IL1RAPL1: variants seen among roughly 807,000 people sequenced by gnomAD.
IL1RAPL1 encodes interleukin-1 receptor accessory protein-like 1.
IL1RAPL1 carries 3 observed loss-of-function variants against 48.4 expected under a neutral mutation model. That is an observed-to-expected ratio of 0.06 (90% CI 0.03 to 0.16). IL1RAPL1 has a LOEUF of 0.16. IL1RAPL1 is among the 10% of genes least tolerant of loss of function. The pLI, the probability that IL1RAPL1 is intolerant of heterozygous loss-of-function variation, is 1.00. For missense variants in IL1RAPL1, 349 were observed against 530.6 expected (o/e 0.66, Z 3.36); for synonymous variants, 185 against 187.7 (o/e 0.99, Z 0.12).
intron 2 of IL1RAPL1, among the ~76,000 whole-genome samples, chrX:28,886,241 TG>T (rs1167684918): frequency 3.6e-5 from 4 of 110,043 alleles, no homozygotes; most frequent in Non-Finnish European, 5.7e-5. Context: ...CTTTTTACAT[TG>T]TTTTTTTTTC....
chrX:29,748,138 C>T (rs192238188), intron 6 of IL1RAPL1, among the ~76,000 whole-genome samples: 111 of 111,964 alleles, frequency 9.9e-4, no homozygotes, highest in African/African-American at 3.4e-3. Context: ...TTCATAATGC[C>T]GAGCATATTC....
intron 6 of IL1RAPL1, among the ~76,000 whole-genome samples, chrX:29,723,710 TC>T (rs1927701739): frequency 8.9e-6 from 1 of 112,675 alleles, no homozygotes. Flanking sequence ...AGATACTTTA[TC>T]TTCCAACAAG....
intron 5 of IL1RAPL1, among the ~76,000 whole-genome samples, chrX:29,411,565 T>C (rs775651029): frequency 8.9e-6 from 1 of 111,800 alleles, no homozygotes; most frequent in East Asian, 2.8e-4. Context: ...ACCCTGCCAG[T>C]GTAATCCAAC....
intron 6 of IL1RAPL1, among the ~76,000 whole-genome samples, chrX:29,796,225 A>C (rs1015247053): frequency 8.9e-6 from 1 of 112,289 alleles, no homozygotes; most frequent in Non-Finnish European, 1.9e-5. Context: ...GAATAAATCT[A>C]CCTAAGATTA....
intron 2 of IL1RAPL1, among the ~76,000 whole-genome samples, chrX:29,083,994 T>C (rs865998030): frequency 5.4e-5 from 6 of 111,386 alleles, no homozygotes; most frequent in African/African-American, 1.6e-4. Flanking sequence ...AGCAACTGCA[T>C]GAAAAGCCAC....
At position 28,996,087 on chromosome X, in the gene IL1RAPL1, GCAGA is replaced by G. The variant is rs528669435; in HGVS notation, c.82+206666_82+206669del. Among the ~76,000 whole-genome samples, 45 of 111,356 alleles carry G rather than the reference GCAGA, an allele frequency of 4.0e-4. No homozygotes were observed. The South Asian group carries it at 0.017, about 42-fold the overall frequency. On this transcript the variant is annotated intron_variant, in intron 2 of 10. Coordinates refer to ENST00000378993, the MANE Select transcript of IL1RAPL1 (RefSeq NM_014271.4). ...CCAAAAAGAAACCCCATGCCCATTA[GCAGA>G]CAGTCTTCATTTTCCTCCAAATACA...
chrX:28,606,411 T>A (rs146343458), intron 1 of IL1RAPL1, among the ~76,000 whole-genome samples: 227 of 111,691 alleles, frequency 2.0e-3, no homozygotes, highest in African/African-American at 6.8e-3. Context: ...GCATGAACCC[T>A]TTTTCTCACA....
intron 9 of IL1RAPL1, among the ~76,000 whole-genome samples, chrX:29,944,986 T>C (rs965359253): frequency 3.6e-5 from 4 of 111,527 alleles, no homozygotes; most frequent in African/African-American, 1.3e-4. Context: ...CTTCATCCTT[T>C]GCCTCTTTCA....
intron 5 of IL1RAPL1, among the ~76,000 whole-genome samples, chrX:29,613,739 GTGTGTGTGTGTGTGT>G (rs1924172035): frequency 1.0e-5 from 1 of 97,928 alleles, no homozygotes; most frequent in African/African-American, 3.8e-5. Context: ...GTGTGTGTGT[GTGTGTGTGTGTGTGT>G]GTGTTTCTTT....
intron 5 of IL1RAPL1, among the ~76,000 whole-genome samples, chrX:29,552,011 TC>T (rs1465154808): frequency 3.6e-5 from 4 of 111,725 alleles, no homozygotes; most frequent in Non-Finnish European, 5.6e-5. Context: ...TCTATTTCAT[TC>T]CCATTCAGGA....
chrX:29,305,401 G>A lies in IL1RAPL1; in HGVS notation c.362+22184G>A, dbSNP rs181167881. ...GATGAACATTCATAGGGTTATGATG[G>A]GTTATCCTTATATATCTTGAGAACA... On this transcript the variant is annotated intron_variant, in intron 3 of 10. Transcript: ENST00000378993. Among the ~76,000 whole-genome samples the A allele has an allele frequency of 7.1e-5, 8 of 112,000 alleles. No homozygotes were observed. In the East Asian group the frequency reaches 2.0e-3, roughly 28 times the overall value.
Position 29,609,083 on chromosome X carries a change from G to C in IL1RAPL1, c.704-59347G>C, listed in dbSNP as rs1924012143. On this transcript the variant is annotated intron_variant, in intron 5 of 10. Coordinates refer to ENST00000378993, the MANE Select transcript of IL1RAPL1 (RefSeq NM_014271.4). ...CTGATAACCTTGGAATCATGGTTTGGATGGTTTAAACCTCTCTCTCCATAC... is the reference window on the plus strand; with the variant it reads ...CTGATAACCTTGGAATCATGGTTTGCATGGTTTAAACCTCTCTCTCCATAC... Among the ~76,000 whole-genome samples the C allele has an allele frequency of 3.6e-5, 4 of 111,558 alleles. No individual in the cohort carries two copies. The Admixed American group carries it at 3.8e-4, about 11-fold the overall frequency.
rs1933954076 is a variant in IL1RAPL1, at chrX:28,596,254, T to C, written c.-25+8207T>C. Among the ~76,000 whole-genome samples, 3 of 111,259 alleles carry C rather than the reference T, an allele frequency of 2.7e-5. No individual in the cohort carries two copies. The South Asian group carries it at 1.1e-3, about 42-fold the overall frequency. On this transcript the variant is annotated intron_variant, in intron 1 of 10. Coordinates refer to ENST00000378993, the MANE Select transcript of IL1RAPL1 (RefSeq NM_014271.4). ...TTTAAAAAAGTAAAAAAAGGAAAAT[T>C]GAGTAATAAAGGAGAGAGAATTAAT...
intron 2 of IL1RAPL1, among the ~76,000 whole-genome samples, chrX:28,866,665 T>C (rs185134649): frequency 1.3e-3 from 146 of 111,867 alleles, no homozygotes; most frequent in Non-Finnish European, 3.2e-4. Flanking sequence ...ATATATTAAC[T>C]CATTTAATTC....
chrX:28,918,950 T>G (rs748419175), intron 2 of IL1RAPL1, among the ~76,000 whole-genome samples: 2 of 111,575 alleles, frequency 1.8e-5, no homozygotes, highest in African/African-American at 6.5e-5. Context: ...TAACATTGTT[T>G]CTAATTTTTA....
intron 5 of IL1RAPL1, among the ~76,000 whole-genome samples, chrX:29,517,485 G>A (rs1367468741): frequency 9.0e-6 from 1 of 111,271 alleles, no homozygotes; most frequent in Non-Finnish European, 1.9e-5. Flanking sequence ...AAGCGGTGAT[G>A]ATTTTTGTGA....
At chrX:28,774,953 A>G (rs1932802266) in intron 1 of IL1RAPL1, among the ~76,000 whole-genome samples, 2 of 111,588 alleles carry the variant, frequency 1.8e-5, no homozygotes, top group Non-Finnish European at 3.8e-5. Flanking sequence ...AGTAACTCAT[A>G]TTATTGTTAT....
At chrX:29,922,969 G>T (rs750126791) in intron 8 of IL1RAPL1, among the ~76,000 whole-genome samples, 166 of 111,777 alleles carry the variant, frequency 1.5e-3, no homozygotes, top group African/African-American at 5.4e-3. Context: ...AGCTGTCATT[G>T]CTTCTGACAG....
chrX:29,606,457 T>C (rs1012342096), intron 5 of IL1RAPL1, among the ~76,000 whole-genome samples: 1 of 112,067 alleles, frequency 8.9e-6, no homozygotes, highest in Non-Finnish European at 1.9e-5. Context: ...TTCTAAACAA[T>C]GTCTGTGATG....
Sources: allele counts gnomAD v4.1 joint callset (sites outside exome capture counted in the v4.1 genomes callset), GRCh38; gene constraint gnomAD v4.1.1; transcripts MANE v1.5; gene names NCBI Gene and HGNC (gene_info 2026-07-23, HGNC 2026-07-21).